PAPSS2: variants seen among roughly 807,000 people sequenced by gnomAD.
PAPSS2 encodes 3'-phosphoadenosine 5'-phosphosulfate synthase 2, also known as bifunctional 3'-phosphoadenosine 5'-phosphosulfate synthase 2.
PAPSS2 carries 61 observed loss-of-function variants against 66.5 expected under a neutral mutation model. The observed-to-expected ratio is 0.92, with a 90% CI of 0.75 to 1.14. The LOEUF is 1.14. Among genes scored for constraint, PAPSS2 ranks in the 50% most tolerant of loss-of-function variants. The pLI is 0.00. For synonymous variants in PAPSS2, 289 were observed against 287.5 expected, an observed-to-expected ratio of 1.01 and a Z score of -0.05; for missense variants, 708 against 789.6, an observed-to-expected ratio of 0.90 and a Z score of 1.24.
intron 1 of PAPSS2, among the ~76,000 whole-genome samples, chr10:87,683,461 C>T (rs941679755): frequency 1.4e-4 from 21 of 152,254 alleles, no homozygotes; most frequent in Admixed American, 1.4e-3. Flanking sequence ...TCTGTGTGTG[C>T]AAGGGAATAT....
At chr10:87,686,545 C>T (rs1210720305) in intron 1 of PAPSS2, among the ~76,000 whole-genome samples, 2 of 152,082 alleles carry the variant, frequency 1.3e-5, no homozygotes, top group Non-Finnish European at 2.9e-5. Flanking sequence ...CACCTCCTAG[C>T]CAGTGGACCA....
At chr10:87,739,224 G>A (rs189576137) in intron 9 of PAPSS2, among the ~76,000 whole-genome samples, 2 of 152,224 alleles carry the variant, frequency 1.3e-5, no homozygotes, top group Admixed American at 1.3e-4. Context: ...TCCTTTGCAT[G>A]TGGATATCCA....
At chr10:87,665,040 C>T (rs1381685081) in intron 1 of PAPSS2, among the ~76,000 whole-genome samples, 1 of 152,136 alleles carries the variant, frequency 6.6e-6, no homozygotes, top group African/African-American at 2.4e-5. Context: ...CCCCTCTTCT[C>T]TTTGTGTGCT....
At chr10:87,742,988 G>C (rs975812383) in intron 10 of PAPSS2, among the ~76,000 whole-genome samples, 1 of 152,252 alleles carries the variant, frequency 6.6e-6, no homozygotes, top group Non-Finnish European at 1.5e-5. Context: ...GCTTACGCCT[G>C]TAATCCCAAC....
chr10:87,708,685 T>C (rs943770552), intron 1 of PAPSS2, among the ~76,000 whole-genome samples: 2 of 152,238 alleles, frequency 1.3e-5, no homozygotes, highest in East Asian at 1.9e-4. Flanking sequence ...GTTTGAATTA[T>C]ACTCTCAAAG....
In PAPSS2 at chr10:87,705,819, C is replaced by T. The variant is rs543722203; in HGVS notation, c.28-3377C>T. Among the ~76,000 whole-genome samples the T allele has an allele frequency of 8.6e-5, 13 of 151,198 alleles. No individual in the cohort carries two copies. In the East Asian group the frequency reaches 2.1e-3, roughly 25 times the overall value. On this transcript the variant is annotated intron_variant, in intron 1 of 12. Transcript: ENST00000456849. ...CATGATCTCGGGTCACTGCAACCTC[C>T]GCCTCCCGGGTTCAAGCGATTCTTC...
intron 6 of PAPSS2, among the ~76,000 whole-genome samples, chr10:87,715,354 T>G (rs1042179001): frequency 3.9e-5 from 6 of 152,248 alleles, no homozygotes; most frequent in Middle Eastern, 3.2e-3. Context: ...TTGGACAATT[T>G]TACATAGCTG....
At chr10:87,731,619 G>A (rs79282091) in intron 9 of PAPSS2, among the ~76,000 whole-genome samples, 1,641 of 152,316 alleles carry the variant, frequency 0.011, 10 homozygotes, top group Non-Finnish European at 0.02. Context: ...TTTGCAATTC[G>A]TGGGAAGAGG....
At chr10:87,714,934 A>G (rs1853514033) in intron 5 of PAPSS2, 51 bp from the exon 6 acceptor site, 1 of 1,415,818 alleles carries the variant, frequency 7.1e-7, no homozygotes, top group South Asian at 1.1e-5. Context: ...CTCTTTACTG[A>G]AGCATTCTTT....
At chr10:87,703,894 T>G (rs1853350117) in intron 1 of PAPSS2, 1 of 509,246 alleles carries the variant, frequency 2.0e-6, no homozygotes, top group Non-Finnish European at 3.9e-6. Flanking sequence ...GTGTTCTCTA[T>G]GTACACACAG....
intron 1 of PAPSS2, among the ~76,000 whole-genome samples, chr10:87,693,887 A>C (rs1185459161): frequency 6.6e-6 from 1 of 152,256 alleles, no homozygotes; most frequent in Admixed American, 6.5e-5. Context: ...AGGTCACAGC[A>C]GGTCTCACTT....
intron 1 of PAPSS2, among the ~76,000 whole-genome samples, chr10:87,706,070 C>T (rs1218677429): frequency 9.8e-6 from 1 of 102,272 alleles, no homozygotes; most frequent in African/African-American, 4.3e-5. Context: ...GTGTGCTTTA[C>T]GTTTCTTCAC....
intron 1 of PAPSS2, among the ~76,000 whole-genome samples, chr10:87,695,311 G>T (rs535429630): frequency 1.3e-4 from 20 of 152,212 alleles, no homozygotes. Flanking sequence ...CATTCATCAG[G>T]GCTCCTCCCT....
chr10:87,665,706 G>A (rs998662363), intron 1 of PAPSS2, among the ~76,000 whole-genome samples: 1 of 152,140 alleles, frequency 6.6e-6, no homozygotes, highest in Non-Finnish European at 1.5e-5. Flanking sequence ...TTTTTAGAGT[G>A]TAGGGTTTAG....
intron 8 of PAPSS2, among the ~76,000 whole-genome samples, chr10:87,725,500 C>T (rs1853647258): frequency 1.3e-5 from 2 of 152,174 alleles, no homozygotes; most frequent in African/African-American, 4.8e-5. Context: ...TTTCACTCCT[C>T]TGTGGTTTTG....
intron 8 of PAPSS2, among the ~76,000 whole-genome samples, chr10:87,724,851 T>C (rs371156518): frequency 0.02 from 2,783 of 138,306 alleles, 48 homozygotes; most frequent in Non-Finnish European, 0.027. Context: ...TCTCTGTCTA[T>C]ACACACACAC....
At chr10:87,740,565 G>A (rs919688553) in intron 9 of PAPSS2, among the ~76,000 whole-genome samples, 1 of 152,174 alleles carries the variant, frequency 6.6e-6, no homozygotes, top group Admixed American at 6.5e-5. Context: ...CAGAGTATGA[G>A]AAGTGCATTA....
At chr10:87,667,230 G>A (rs1188485579) in intron 1 of PAPSS2, among the ~76,000 whole-genome samples, 1 of 151,996 alleles carries the variant, frequency 6.6e-6, no homozygotes, top group African/African-American at 2.4e-5. Context: ...GAGGTGGGCG[G>A]ATCACTTGAG....
Position 87,700,921 on chromosome 10 carries a change from T to G in PAPSS2, c.28-8275T>G, listed in dbSNP as rs187926207. ...CATGTAAGCACATAATAAATTATAA[T>G]AATTTCATATTTTAAAAATTGGTAC... On this transcript the variant is annotated intron_variant, in intron 1 of 12. Transcript: ENST00000456849. 2.6e-4 allele frequency among the ~76,000 whole-genome samples: 40 copies of G among 152,006 alleles called. No homozygotes were observed. In the East Asian group the frequency reaches 7.7e-3, roughly 29 times the overall value.
Sources: allele counts gnomAD v4.1 joint callset (sites outside exome capture counted in the v4.1 genomes callset), GRCh38; gene constraint gnomAD v4.1.1; transcripts MANE v1.5; gene names NCBI Gene and HGNC (gene_info 2026-07-23, HGNC 2026-07-21).